The following TBC1D22A variants were observed in gnomAD, a reference collection of about 807,000 sequenced individuals.
TBC1D22A encodes TBC1 domain family member 22A, also known as putative GTPase activator.
A neutral mutation model predicts 60.2 loss-of-function variants in TBC1D22A; 38 were observed. The observed-to-expected ratio is 0.63, with a 90% CI of 0.49 to 0.83. The LOEUF (loss-of-function observed/expected upper bound fraction) is 0.83. Among genes scored for constraint, TBC1D22A ranks in the 40% least tolerant of loss-of-function variants. The pLI is 0.00. For missense variants in TBC1D22A, 628 were observed against 701.0 expected (o/e 0.90, Z 1.18); for synonymous variants, 302 against 281.7 (o/e 1.07, Z -0.72).
rs564124840 is a variant in TBC1D22A, at chr22:47,139,689, C to T, written c.1425+28086C>T. 8.5e-5 allele frequency among the ~76,000 whole-genome samples: 13 copies of T among 152,334 alleles called. 1 individual carries two copies. Among genetic ancestry groups the T allele is most frequent in the South Asian group, 4.1e-4 (2 of 4,828 alleles). On this transcript the variant is annotated intron_variant, in intron 12 of 12. Coordinates refer to ENST00000337137, the MANE Select transcript of TBC1D22A (RefSeq NM_014346.5). ...CTGCTTCCAGCCACTTAGGAGGAGG[C>T]GCGGTGTCCTGGCCGGGGAGGTTGT...
intron 8 of TBC1D22A, among the ~76,000 whole-genome samples, chr22:46,921,328 G>GGT (rs1010631955): frequency 6.6e-5 from 10 of 152,204 alleles, no homozygotes; most frequent in Non-Finnish European, 1.3e-4. Context: ...TTATAAGTGA[G>GGT]AACATGCAGT....
chr22:46,838,439 G>C (rs899329573), intron 4 of TBC1D22A, among the ~76,000 whole-genome samples: 2 of 152,318 alleles, frequency 1.3e-5, no homozygotes, highest in Non-Finnish European at 2.9e-5. Flanking sequence ...ACGAGGAAAA[G>C]CTCAGGACCA....
chr22:46,958,227 C>T (rs1325476354), intron 8 of TBC1D22A, among the ~76,000 whole-genome samples: 1 of 152,170 alleles, frequency 6.6e-6, no homozygotes, highest in Admixed American at 6.5e-5. Flanking sequence ...TTCGTAGAAC[C>T]AGGGAGGTTT....
chr22:47,072,227 G>A (rs1243777664), intron 11 of TBC1D22A, among the ~76,000 whole-genome samples: 1 of 152,220 alleles, frequency 6.6e-6, no homozygotes, highest in East Asian at 1.9e-4. Flanking sequence ...GTGCAGGCCG[G>A]TGGAGGATGT....
rs9627606 is a variant in TBC1D22A, at chr22:46,891,183, A to C, written c.709-83A>C. ...AGAATGCCAAGCTTAGGTATGATGCAAGTCTTTTTATTTCACGCTTAATAA... is the reference window on the plus strand; with the variant it reads ...AGAATGCCAAGCTTAGGTATGATGCCAGTCTTTTTATTTCACGCTTAATAA... On this transcript the variant is annotated intron_variant, in intron 5 of 12. Coordinates refer to ENST00000337137, the MANE Select transcript of TBC1D22A (RefSeq NM_014346.5). 0.011 allele frequency: 16,219 copies of C among 1,422,774 alleles called. 1,368 individuals are homozygous for C. The African/African-American group carries it at 0.2, about 18-fold the overall frequency. The allele number at this position is 1,422,774 out of a possible 1,614,324, so 88.1% of individuals were successfully genotyped here.
chr22:46,849,716 G>C (rs1416473759), intron 4 of TBC1D22A, among the ~76,000 whole-genome samples: 1 of 152,128 alleles, frequency 6.6e-6, no homozygotes, highest in African/African-American at 2.4e-5. Context: ...AGCTTTTGGG[G>C]AGTCTTCAGA....
intron 4 of TBC1D22A, among the ~76,000 whole-genome samples, chr22:46,868,030 G>A (rs1219404357): frequency 6.6e-6 from 1 of 152,224 alleles, no homozygotes; most frequent in African/African-American, 2.4e-5. Flanking sequence ...GAGACTGGAA[G>A]CCGCCATTGT....
intron 4 of TBC1D22A, among the ~76,000 whole-genome samples, chr22:46,846,166 C>G (rs1195845320): frequency 6.6e-6 from 1 of 152,158 alleles, no homozygotes; most frequent in African/African-American, 2.4e-5. Context: ...CTTTTTCTCC[C>G]CTCTCCTGTT....
intron 7 of TBC1D22A, among the ~76,000 whole-genome samples, chr22:46,896,744 A>G (rs539577363): frequency 1.6e-4 from 24 of 152,142 alleles, no homozygotes; most frequent in African/African-American, 5.8e-4. Context: ...ACGTCCTCCT[A>G]CCTGGTGGGG....
intron 11 of TBC1D22A, among the ~76,000 whole-genome samples, chr22:47,042,007 C>T (rs2062861314): frequency 6.6e-6 from 1 of 152,254 alleles, no homozygotes; most frequent in African/African-American, 2.4e-5. Flanking sequence ...CAGCCCTTAT[C>T]ACCGGTGTTT....
chr22:46,763,394 G>GTTTTTTTTT lies in TBC1D22A; in HGVS notation c.62+572_62+580dup, dbSNP rs61285872. ...ACCTCCTATGTTGTGTTAGCAGGAA[G>GTTTTTTTTT]TTTTTTTTTTTTTTTTTTTTTTTTT... On this transcript the variant is annotated intron_variant, in intron 1 of 12. Coordinates refer to ENST00000337137, the MANE Select transcript of TBC1D22A (RefSeq NM_014346.5). 5 of 66,624 alleles carry GTTTTTTTTT rather than the reference G, an allele frequency of 7.5e-5. 1 individual carries two copies. Among genetic ancestry groups the GTTTTTTTTT allele is most frequent in the Admixed American group, 2.6e-4 (1 of 3,826 alleles). 4.1% of individuals were successfully genotyped at this position (66,624 alleles called of 1,614,324 possible).
chr22:46,822,905 T>C (rs1201396001), intron 4 of TBC1D22A, among the ~76,000 whole-genome samples: 1 of 151,968 alleles, frequency 6.6e-6, no homozygotes, highest in Middle Eastern at 3.2e-3. Context: ...TGAGCTCCAG[T>C]ATATGTGAGA....
chr22:46,907,572 G>A (rs1433282448), intron 7 of TBC1D22A, among the ~76,000 whole-genome samples: 1 of 152,208 alleles, frequency 6.6e-6, no homozygotes, highest in African/African-American at 2.4e-5. Context: ...TCAGGGAGCA[G>A]CTGCGCCATC....
intron 10 of TBC1D22A, among the ~76,000 whole-genome samples, chr22:47,024,510 C>T (rs911210396): frequency 6.6e-6 from 1 of 152,120 alleles, no homozygotes; most frequent in East Asian, 1.9e-4. Flanking sequence ...AAAGCAACTC[C>T]GAGAGAACCA....
At chr22:47,056,879 G>A (rs1043767239) in intron 11 of TBC1D22A, among the ~76,000 whole-genome samples, 1 of 152,072 alleles carries the variant, frequency 6.6e-6, no homozygotes, top group Admixed American at 6.5e-5. Context: ...GACACAGAAT[G>A]GAAGGGGCCT....
intron 9 of TBC1D22A, among the ~76,000 whole-genome samples, chr22:46,986,616 A>G (rs752758242): frequency 6.6e-6 from 1 of 152,014 alleles, no homozygotes; most frequent in African/African-American, 2.4e-5. Context: ...GTTTCTGAAT[A>G]TTTTGTTTTT....
At chr22:47,150,975 G>A (rs1035389408) in intron 12 of TBC1D22A, among the ~76,000 whole-genome samples, 3 of 152,204 alleles carry the variant, frequency 2.0e-5, no homozygotes, top group Non-Finnish European at 4.4e-5. Flanking sequence ...TCTGCCTCAG[G>A]CACCTGGCGT....
At chr22:46,980,869 T>A (rs978925314) in intron 9 of TBC1D22A, among the ~76,000 whole-genome samples, 1 of 152,130 alleles carries the variant, frequency 6.6e-6, no homozygotes, top group African/African-American at 2.4e-5. Context: ...AGAGAAAGTC[T>A]CATAGGAAAG....
chr22:46,779,094 A>G (rs2083827111), intron 1 of TBC1D22A, among the ~76,000 whole-genome samples: 1 of 152,232 alleles, frequency 6.6e-6, no homozygotes, highest in Non-Finnish European at 1.5e-5. Context: ...ACATCCATAA[A>G]GCAGTAGCAT....
Sources: gnomAD v4.1 joint callset for allele counts (sites outside exome capture counted in the v4.1 genomes callset) on GRCh38, gnomAD v4.1.1 for gene constraint, MANE v1.5 for transcripts, NCBI Gene and HGNC (gene_info 2026-07-23, HGNC 2026-07-21) for gene names.